Variants in ATP10A observed in about 807,000 individuals in gnomAD.
ATP10A encodes ATPase phospholipid transporting 10A (putative), also known as phospholipid-transporting ATPase VA.
ATP10A carries 111 observed loss-of-function variants against 147.8 expected under a neutral mutation model. That is an observed-to-expected ratio of 0.75 (90% CI 0.64 to 0.88). The LOEUF is 0.88. ATP10A is among the 40% of genes least tolerant of loss of function. The pLI is 0.00. For missense variants in ATP10A, 1,927 were observed against 1,959.0 expected (o/e 0.98, Z 0.31); for synonymous variants, 875 against 841.6 (o/e 1.04, Z -0.69).
chr15:25,812,083 A>G (rs1289820772), intron 1 of ATP10A, among the ~76,000 whole-genome samples: 1 of 152,234 alleles, frequency 6.6e-6, no homozygotes, highest in Non-Finnish European at 1.5e-5. Context: ...GAACGTTTAT[A>G]GCGGCAAAGA....
chr15:25,783,945 T>G (rs932292515), intron 1 of ATP10A, among the ~76,000 whole-genome samples: 11 of 152,150 alleles, frequency 7.2e-5, no homozygotes, highest in African/African-American at 2.7e-4. Context: ...GGCATGGCAG[T>G]GGCCCCCATC....
chr15:25,730,584 T>C (rs1902920939), intron 3 of ATP10A, among the ~76,000 whole-genome samples: 1 of 152,072 alleles, frequency 6.6e-6, no homozygotes, highest in African/African-American at 2.4e-5. Context: ...CAGAAACACC[T>C]TAGCAAAGAT....
chr15:25,854,813 T>G (rs1271441401), intron 1 of ATP10A, among the ~76,000 whole-genome samples: 1 of 152,180 alleles, frequency 6.6e-6, no homozygotes, highest in Non-Finnish European at 1.5e-5. Flanking sequence ...ATCCCAGCAC[T>G]TTGGGAGGCC....
At chr15:25,774,724 T>C (rs923755427) in intron 2 of ATP10A, among the ~76,000 whole-genome samples, 2 of 152,164 alleles carry the variant, frequency 1.3e-5, no homozygotes, top group African/African-American at 2.4e-5. Flanking sequence ...AAACTTATAT[T>C]GCCATGAAAT....
At chr15:25,732,727 T>C (rs1428844752) in intron 3 of ATP10A, among the ~76,000 whole-genome samples, 2 of 151,732 alleles carry the variant, frequency 1.3e-5, no homozygotes, top group Non-Finnish European at 2.9e-5. Flanking sequence ...GGCTAGTTTT[T>C]TGTATGTTTA....
intron 10 of ATP10A, among the ~76,000 whole-genome samples, chr15:25,713,059 C>T (rs775656728): frequency 3.3e-5 from 5 of 152,188 alleles, no homozygotes; most frequent in Non-Finnish European, 7.4e-5. Flanking sequence ...ATAGGAAGCC[C>T]GTGGCAGGCA....
chr15:25,762,517 G>A (rs139372478), intron 2 of ATP10A, among the ~76,000 whole-genome samples: 357 of 152,270 alleles, frequency 2.3e-3, no homozygotes, highest in Middle Eastern at 6.8e-3. Context: ...CTGGGCTCAC[G>A]TGATCCTCCC....
At chr15:25,727,094 G>T in intron 4 of ATP10A, 66 bp downstream of exon 4, 4 of 1,135,022 alleles carry the variant, frequency 3.5e-6, no homozygotes, top group Non-Finnish European at 5.2e-6. Flanking sequence ...AAAGAAAACA[G>T]TGAGGGGAAG....
chr15:25,844,060 C>T (rs1236582765), intron 1 of ATP10A, among the ~76,000 whole-genome samples: 1 of 152,198 alleles, frequency 6.6e-6, no homozygotes, highest in African/African-American at 2.4e-5. Context: ...ATTTTACTGT[C>T]ACCCCAAGAA....
At position 25,714,248 on chromosome 15, in the gene ATP10A, G is replaced by A. The variant is rs1364641349; in HGVS notation, c.1777-7C>T. 6.3e-7 allele frequency: 1 copy of A among 1,598,680 alleles called. No individual in the cohort carries two copies. Among genetic ancestry groups the A allele is most frequent in the African/African-American group, 1.3e-5 (1 of 74,866 alleles). On this transcript the variant is annotated splice_region_variant and splice_polypyrimidine_tract_variant and intron_variant, in intron 9 of 20. Transcript: ENST00000555815. ...GCTCAAACCTCACCCTCACCTGCAA[G>A]AGAAATGGTCAGAAGGCAGGTGAGG...
At chr15:25,676,173 G>T (rs1055746916), downstream of ATP10A, among the ~76,000 whole-genome samples, 1 of 152,168 alleles carries the variant, frequency 6.6e-6, no homozygotes, top group Non-Finnish European at 1.5e-5. Context: ...TTTCAGTAGA[G>T]ATGCGAGGAA....
chr15:25,800,611 G>T (rs999658653), intron 1 of ATP10A, among the ~76,000 whole-genome samples: 2 of 152,134 alleles, frequency 1.3e-5, no homozygotes, highest in Non-Finnish European at 2.9e-5. Flanking sequence ...ATTCTGACAC[G>T]GCAATTTCAA....
At chr15:25,797,441 C>G (rs926670379) in intron 1 of ATP10A, among the ~76,000 whole-genome samples, 1 of 152,196 alleles carries the variant, frequency 6.6e-6, no homozygotes, top group African/African-American at 2.4e-5. Context: ...GCCCCTGGCC[C>G]CTGCCCCCAC....
intron 1 of ATP10A, among the ~76,000 whole-genome samples, chr15:25,823,613 G>A (rs145304751): frequency 5.9e-4 from 89 of 152,122 alleles, no homozygotes; most frequent in African/African-American, 1.6e-3. Flanking sequence ...AGGAAGTTAC[G>A]GTACAATTTA....
chr15:25,747,987 C>T lies in ATP10A; in HGVS notation c.655-11846G>A, dbSNP rs563064178. ...TCTTTTTTTTTTTTCTTTTTTGAGACGGAGTCTCGCTCTGTCGCCGAGGCT... is the reference window on the plus strand; with the variant it reads ...TCTTTTTTTTTTTTCTTTTTTGAGATGGAGTCTCGCTCTGTCGCCGAGGCT... On this transcript the variant is annotated intron_variant, in intron 2 of 20. Transcript: ENST00000555815. Among the ~76,000 whole-genome samples the T allele has an allele frequency of 8.6e-5, 13 of 151,174 alleles. No homozygotes were observed. The South Asian group carries it at 1.9e-3, about 22-fold the overall frequency.
chr15:25,862,429 G>A (rs902543116), intron 1 of ATP10A: 13 of 656,992 alleles, frequency 2.0e-5, no homozygotes, highest in Non-Finnish European at 3.3e-5. Context: ...ACGCGTCCCC[G>A]CATCCAGGGC....
chr15:25,864,096 C>G (rs888191814), upstream of ATP10A, among the ~76,000 whole-genome samples: 2 of 152,056 alleles, frequency 1.3e-5, no homozygotes, highest in Admixed American at 6.5e-5. Flanking sequence ...GCTGTCATGG[C>G]CCGGACGGCG....
intron 1 of ATP10A, among the ~76,000 whole-genome samples, chr15:25,793,657 G>A (rs1352205358): frequency 6.6e-6 from 1 of 152,214 alleles, no homozygotes; most frequent in Non-Finnish European, 1.5e-5. Flanking sequence ...AGCATAGCAT[G>A]CTTGGGTCAG....
intron 1 of ATP10A, among the ~76,000 whole-genome samples, chr15:25,805,787 T>TA (rs1308224000): frequency 6.6e-6 from 1 of 152,078 alleles, no homozygotes; most frequent in Non-Finnish European, 1.5e-5. Context: ...GCCTTTACTT[T>TA]AAAAAAAGAA....
Sources: allele counts gnomAD v4.1 joint callset (sites outside exome capture counted in the v4.1 genomes callset), GRCh38; gene constraint gnomAD v4.1.1; transcripts MANE v1.5; gene names NCBI Gene and HGNC (gene_info 2026-07-23, HGNC 2026-07-21).